Variants in DTNA observed in about 807,000 individuals in gnomAD.
The protein encoded by DTNA is dystrophin-related protein 3.
A neutral mutation model predicts 100.7 loss-of-function variants in DTNA; 43 were observed. The ratio of observed to expected loss-of-function variants is 0.43; its 90% CI spans 0.33 to 0.55. The LOEUF is 0.55. Ranked by LOEUF, DTNA falls within the 20% of genes least tolerant of loss-of-function variation. The probability of loss-of-function intolerance (pLI) is 0.04; values close to 1 mark genes in which losing one functional copy is unlikely to be tolerated. For synonymous variants in DTNA, 349 were observed against 347.9 expected (o/e 1.00, Z -0.04); for missense variants, 798 against 953.9 (o/e 0.84, Z 2.15).
intron 1 of DTNA, among the ~76,000 whole-genome samples, chr18:34,720,112 T>C (rs1158537438): frequency 6.6e-6 from 1 of 152,184 alleles, no homozygotes; most frequent in African/African-American, 2.4e-5. Flanking sequence ...GGCCAGAGGC[T>C]GGCCAAGGCA....
chr18:34,633,589 T>G (rs897551165), intron 1 of DTNA, among the ~76,000 whole-genome samples: 5 of 152,084 alleles, frequency 3.3e-5, no homozygotes, highest in African/African-American at 1.2e-4. Flanking sequence ...TGCAGAAAAC[T>G]GAATACACAC....
At chr18:34,815,509 T>C (rs1035897143) in intron 6 of DTNA, 7 of 224,946 alleles carry the variant, frequency 3.1e-5, no homozygotes, top group Non-Finnish European at 5.3e-5. Flanking sequence ...AGTTGTTCTA[T>C]AAATTTAGAA....
chr18:34,514,291 A>C (rs376259522), intron 1 of DTNA, among the ~76,000 whole-genome samples: 10 of 152,190 alleles, frequency 6.6e-5, no homozygotes, highest in African/African-American at 2.4e-4. Flanking sequence ...CATGCCTAAG[A>C]ATTACCTGGT....
intron 1 of DTNA, among the ~76,000 whole-genome samples, chr18:34,519,317 C>G (rs2041953024): frequency 6.6e-6 from 1 of 152,070 alleles, no homozygotes; most frequent in Non-Finnish European, 1.5e-5. Flanking sequence ...TTAGGTTGTA[C>G]TGTTTTAAGT....
chr18:34,800,902 A>G (rs1014126279), intron 4 of DTNA, among the ~76,000 whole-genome samples: 3 of 152,176 alleles, frequency 2.0e-5, no homozygotes, highest in African/African-American at 7.2e-5. Flanking sequence ...ACTTTTCCAT[A>G]TAAATAATAT....
At chr18:34,623,879 G>A (rs1484559225) in intron 1 of DTNA, among the ~76,000 whole-genome samples, 1 of 152,220 alleles carries the variant, frequency 6.6e-6, no homozygotes, top group Non-Finnish European at 1.5e-5. Context: ...ATCCAAATGT[G>A]TTGAAAATTG....
At chr18:34,758,523 A>G (rs942143528) in intron 2 of DTNA, among the ~76,000 whole-genome samples, 1 of 152,176 alleles carries the variant, frequency 6.6e-6, no homozygotes, top group Non-Finnish European at 1.5e-5. Context: ...CAGGGAGGAG[A>G]TTGGTCAATG....
intron 1 of DTNA, among the ~76,000 whole-genome samples, chr18:34,752,478 A>G (rs1231988808): frequency 6.6e-6 from 1 of 152,146 alleles, no homozygotes; most frequent in East Asian, 1.9e-4. Context: ...TGAACTCATG[A>G]GCTTACTTTG....
At chr18:34,621,706 A>G (rs1035290598) in intron 1 of DTNA, among the ~76,000 whole-genome samples, 2 of 152,202 alleles carry the variant, frequency 1.3e-5, no homozygotes, top group Non-Finnish European at 1.5e-5. Flanking sequence ...CAAAGGATAC[A>G]TTTCACTTAG....
intron 1 of DTNA, among the ~76,000 whole-genome samples, chr18:34,728,355 C>G (rs2087235564): frequency 6.6e-6 from 1 of 152,000 alleles, no homozygotes; most frequent in East Asian, 1.9e-4. Context: ...ATAGGCTCCT[C>G]CTGCTGCAGG....
chr18:34,649,907 T>C (rs1291234402), intron 1 of DTNA, among the ~76,000 whole-genome samples: 1 of 152,206 alleles, frequency 6.6e-6, no homozygotes, highest in African/African-American at 2.4e-5. Context: ...TTCACTTTGT[T>C]GCTCTGACTT....
intron 3 of DTNA, among the ~76,000 whole-genome samples, chr18:34,771,703 G>A (rs1278177425): frequency 6.6e-6 from 1 of 152,120 alleles, no homozygotes; most frequent in Non-Finnish European, 1.5e-5. Flanking sequence ...TGATATTCTA[G>A]GAGGAATGGA....
chr18:34,500,514 A>G (rs942197992), intron 1 of DTNA, among the ~76,000 whole-genome samples: 1 of 151,114 alleles, frequency 6.6e-6, no homozygotes, highest in African/African-American at 2.4e-5. Context: ...CCCAGGCTGG[A>G]GCGCAATAGC....
chr18:34,803,812 T>C (rs1271364505), intron 4 of DTNA, among the ~76,000 whole-genome samples: 1 of 152,222 alleles, frequency 6.6e-6, no homozygotes. Context: ...AGCTACCTGC[T>C]CTAAAATTAA....
At chr18:34,726,738 T>A (rs2086784539) in intron 1 of DTNA, among the ~76,000 whole-genome samples, 1 of 152,156 alleles carries the variant, frequency 6.6e-6, no homozygotes, top group Non-Finnish European at 1.5e-5. Flanking sequence ...CTCTCCTGGA[T>A]TGGAGTTGAG....
chr18:34,877,612 A>G (rs1603340583), intron 18 of DTNA, 107 bp from the exon 19 acceptor site: 4 of 938,014 alleles, frequency 4.3e-6, no homozygotes, highest in Admixed American at 2.2e-5. Flanking sequence ...GAGAAGTCTT[A>G]GAAGTTTTCT....
intron 15 of DTNA, among the ~76,000 whole-genome samples, chr18:34,857,606 C>T (rs1008989426): frequency 2.0e-5 from 3 of 152,064 alleles, no homozygotes; most frequent in Admixed American, 6.5e-5. Flanking sequence ...GAGGTCACAC[C>T]AATAGCACTG....
intron 1 of DTNA, among the ~76,000 whole-genome samples, chr18:34,530,937 TCTC>T (rs2043081625): frequency 1.3e-5 from 2 of 152,162 alleles, no homozygotes; most frequent in Admixed American, 6.6e-5. Context: ...TCTTCCCCTC[TCTC>T]CTCCTCTCTC....
intron 1 of DTNA, among the ~76,000 whole-genome samples, chr18:34,737,277 C>T (rs2147573450): frequency 6.6e-6 from 1 of 152,254 alleles, no homozygotes; most frequent in East Asian, 1.9e-4. Context: ...AATCCACAAA[C>T]AACATATAGT....
Sources: allele counts gnomAD v4.1 joint callset (sites outside exome capture counted in the v4.1 genomes callset), GRCh38; gene constraint gnomAD v4.1.1; transcripts MANE v1.5; gene names NCBI Gene and HGNC (gene_info 2026-07-23, HGNC 2026-07-21).